The following IQSEC3 variants were observed in gnomAD, a reference collection of about 807,000 sequenced individuals.
IQSEC3 encodes IQ motif and Sec7 domain ArfGEF 3.
Under a neutral mutation model 105.4 loss-of-function variants are expected in IQSEC3, and 50 were observed. The observed-to-expected ratio is 0.47, with a 90% CI of 0.38 to 0.60. The LOEUF is 0.60. IQSEC3 is among the 20% of genes least tolerant of loss of function. IQSEC3 has a pLI of 0.00. For missense variants in IQSEC3, 1,415 were observed against 1,630.0 expected (o/e 0.87, Z 2.27); for synonymous variants, 708 against 746.0 (o/e 0.95, Z 0.83).
chr12:91,396 C>T (rs1213246325), intron 1 of IQSEC3, among the ~76,000 whole-genome samples: 1 of 152,214 alleles, frequency 6.6e-6, no homozygotes, highest in African/African-American at 2.4e-5. Flanking sequence ...CTCCTTGCTG[C>T]ACTTGATGCT....
At chr12:72,243 T>C (rs1468561550) in intron 1 of IQSEC3, among the ~76,000 whole-genome samples, 6 of 151,874 alleles carry the variant, frequency 4.0e-5, no homozygotes, top group Admixed American at 2.0e-4. Context: ...TCAGCAAATC[T>C]CTGCGCAGCC....
rs146894404 is a variant in IQSEC3 at position 138,517 on chromosome 12, C to A, written c.1154C>A (p.Pro385His). The part of the protein sequence containing the change: ...GLVGLPLVRS[P>H]SLPPTFAGTL... ...GTGGGGCTGCCGCTGGTGCGCTCGC[C>A]CTCCCTGCCGCCCACCTTCGCAGGC... is the stretch of plus-strand genomic sequence containing the variant. Residue 385 changes from proline (P) to histidine (H), a missense_variant, in exon 4 of 14, where the codon CCC becomes CAC. By Grantham distance (77) the Pro-to-His change is moderately conservative. This residue lies in a region of IQSEC3 where 720 missense variants were observed against 633.0 expected (regional missense o/e 1.14). Coordinates refer to ENST00000538872, the MANE Select transcript of IQSEC3 (RefSeq NM_001170738.2). The surrounding 1 kb of genome is among the most constrained non-coding windows in gnomAD (Gnocchi z 7.1). 6.3e-7 allele frequency: 1 copy of A among 1,579,982 alleles called. No homozygotes were observed. Among genetic ancestry groups the A allele is most frequent in the Non-Finnish European group, 8.5e-7 (1 of 1,169,726 alleles).
chr12:140,494 GA>G (rs1397061566), intron 4 of IQSEC3: 5 of 152,240 alleles, frequency 3.3e-5, no homozygotes, highest in African/African-American at 1.2e-4. Flanking sequence ...TATCCATAGT[GA>G]AGAACCAGTT....
intron 1 of IQSEC3, among the ~76,000 whole-genome samples, chr12:94,851 G>A (rs1864197182): frequency 6.6e-6 from 1 of 152,254 alleles, no homozygotes; most frequent in Non-Finnish European, 1.5e-5. Flanking sequence ...TGAAATGCCA[G>A]CGCTGTGGGT....
At position 163,523 on chromosome 12, in the gene IQSEC3, G is replaced by T; in HGVS notation, c.2613G>T (p.Val871=). Residue 871 remains valine (V), a synonymous_variant, in exon 9 of 14, where the codon GTG becomes GTT. Transcript: ENST00000538872. ...TVLSVPHRRL[V]CCSRLFEVTD... is the part of the protein sequence containing the mutation. ...TGTCCGTGCCCCACCGCCGCCTGGT[G>T]TGCTGCAGCCGGCTCTTCGAGGTGA... The T allele has an allele frequency of 6.2e-7, 1 of 1,611,316 alleles. No individual in the cohort carries two copies. The highest frequency in any genetic ancestry group is 8.5e-7 in the Non-Finnish European group (1 of 1,179,114).
intron 1 of IQSEC3, among the ~76,000 whole-genome samples, chr12:69,554 C>T (rs1303666086): frequency 6.6e-6 from 1 of 152,280 alleles, no homozygotes; most frequent in Admixed American, 6.5e-5. Context: ...AGGCACTTAA[C>T]AGTAATGCCT....
chr12:117,548 A>T (rs192456652), intron 2 of IQSEC3, among the ~76,000 whole-genome samples: 2 of 152,244 alleles, frequency 1.3e-5, no homozygotes, highest in African/African-American at 2.4e-5. Flanking sequence ...CCATGGGGAC[A>T]GTCTGCAGGA....
intron 2 of IQSEC3, among the ~76,000 whole-genome samples, chr12:114,043 T>G (rs1450041408): frequency 1.3e-5 from 2 of 152,208 alleles, no homozygotes; most frequent in African/African-American, 2.4e-5. Flanking sequence ...AACCTTGAGT[T>G]AACTCATCTG....
intron 1 of IQSEC3, among the ~76,000 whole-genome samples, chr12:88,490 C>T (rs572524525): frequency 6.6e-6 from 1 of 152,260 alleles, no homozygotes; most frequent in East Asian, 1.9e-4. Flanking sequence ...TCAAAGCTCC[C>T]CCAAAGAAAA....
intron 2 of IQSEC3, among the ~76,000 whole-genome samples, chr12:108,957 C>T (rs1056542934): frequency 1.1e-4 from 17 of 152,378 alleles, no homozygotes; most frequent in South Asian, 2.1e-4. Context: ...AGGTTTGTCC[C>T]GCTCTGGGAG....
At chr12:136,706 G>A (rs569420630) in intron 3 of IQSEC3, among the ~76,000 whole-genome samples, 44 of 152,278 alleles carry the variant, frequency 2.9e-4, no homozygotes, top group African/African-American at 8.9e-4. Context: ...AGGACACCAC[G>A]TGTAAGTGGC....
chr12:128,298 A>G (rs59356318), intron 3 of IQSEC3, among the ~76,000 whole-genome samples: 4,449 of 152,068 alleles, frequency 0.029, 225 homozygotes, highest in African/African-American at 0.1. Context: ...CTTGTTCCTC[A>G]TTATATTCTC....
At chr12:75,783 T>C (rs1484161680) in intron 1 of IQSEC3, among the ~76,000 whole-genome samples, 2 of 152,162 alleles carry the variant, frequency 1.3e-5, no homozygotes, top group Non-Finnish European at 2.9e-5. Flanking sequence ...TGGAGGTGGG[T>C]TGTGGTATCA....
intron 2 of IQSEC3, 52 bp downstream of exon 2, chr12:99,266 A>G: frequency 6.6e-7 from 1 of 1,517,070 alleles, no homozygotes; most frequent in Middle Eastern, 1.7e-4. Context: ...CCTTCCTGTT[A>G]CAACAAAGCA....
At position 125,674 on chromosome 12, in the gene IQSEC3, C is replaced by A; in HGVS notation, c.665C>A (p.Ser222Tyr). 1 of 1,540,738 alleles carries A rather than the reference C, an allele frequency of 6.5e-7. No individual in the cohort carries two copies. Among genetic ancestry groups the A allele is most frequent in the Non-Finnish European group, 8.7e-7 (1 of 1,155,006 alleles). The change falls in exon 3 of 14, where the codon TCC becomes TAC. Residue 222 changes from serine (S) to tyrosine (Y), a missense_variant. This residue lies in a region of IQSEC3 where 720 missense variants were observed against 633.0 expected (regional missense o/e 1.14). Transcript: ENST00000538872. ...CTQAGGGMED[S>Y]VVAAAAVAAG... ...CAGGCCGGTGGGGGCATGGAGGACT[C>A]CGTGGTGGCAGCGGCGGCGGTGGCA...
intron 3 of IQSEC3, among the ~76,000 whole-genome samples, chr12:127,761 T>C (rs979591540): frequency 4.6e-5 from 7 of 152,302 alleles, no homozygotes; most frequent in African/African-American, 1.7e-4. Context: ...GAGTTCATTG[T>C]AGATTCTGGA....
Position 157,636 on chromosome 12 carries a change from C to A in IQSEC3, c.2385C>A (p.Ser795Arg). Residue 795 changes from serine to arginine, a missense_variant, in exon 7 of 14, where the codon AGC becomes AGA. This residue lies in a region of IQSEC3 where 213 missense variants were observed against 306.2 expected (regional missense o/e 0.70). Coordinates refer to ENST00000538872, the MANE Select transcript of IQSEC3 (RefSeq NM_001170738.2). ...TCCTCCTCAACACCGACATGTACAG[C>A]CCCAACATCAAGCCTGACCGGAAGA... ...AIILLNTDMY[S>R]PNIKPDRKMM... 6.2e-7 allele frequency: 1 copy of A among 1,614,210 alleles called. No homozygotes were observed.
chr12:129,670 C>A (rs1555084438), intron 3 of IQSEC3, among the ~76,000 whole-genome samples: 4 of 152,104 alleles, frequency 2.6e-5, no homozygotes, highest in African/African-American at 9.7e-5. Flanking sequence ...TGTCCTGTTG[C>A]AGAGCGACTG....
chr12:156,849 C>G (rs1451553238), intron 5 of IQSEC3, among the ~76,000 whole-genome samples, 176 bp from the exon 6 acceptor site: 1 of 152,162 alleles, frequency 6.6e-6, no homozygotes, highest in Non-Finnish European at 1.5e-5. Flanking sequence ...TCCGAAAGGG[C>G]TACTGTGGCA....
Sources: gnomAD v4.1 joint callset for allele counts (sites outside exome capture counted in the v4.1 genomes callset) on GRCh38, gnomAD v4.1.1 for gene constraint, gnomAD v4.1.1 regional missense constraint, Gnocchi (gnomAD v3.1) non-coding constraint, MANE v1.5 for transcripts, NCBI Gene and HGNC (gene_info 2026-07-23, HGNC 2026-07-21) for gene names.